PCSK4: variants seen among roughly 807,000 people sequenced by gnomAD.
PCSK4 encodes proprotein convertase subtilisin/kexin type 4.
Under a neutral mutation model 80.3 loss-of-function variants are expected in PCSK4, and 64 were observed. The observed-to-expected ratio is 0.80, with a 90% CI of 0.65 to 0.98. PCSK4 has a LOEUF of 0.98. PCSK4 is among the 50% of genes least tolerant of loss of function. PCSK4 has a pLI of 0.00. For synonymous variants in PCSK4, 561 were observed against 487.6 expected (o/e 1.15, Z -1.98); for missense variants, 1,213 against 1,093.6 (o/e 1.11, Z -1.54).
chr19:1,488,386 G>T (rs952111456), intron 2 of PCSK4, 106 bp from the exon 3 acceptor site: 6 of 828,534 alleles, frequency 7.2e-6, no homozygotes, highest in South Asian at 3.1e-5. Flanking sequence ...TGTTTGTGGG[G>T]GTTGCTCTCC....
exon 13 of PCSK4, chr19:1,483,011 G>A: frequency 1.5e-6 from 2 of 1,376,170 alleles, no homozygotes; most frequent in South Asian, 1.2e-5. Flanking sequence ...CAGTGCTGAC[G>A]TCCAAGGGTC....
chr19:1,482,389 C>A (rs370108776), exon 14 of PCSK4: 1 of 1,566,384 alleles, frequency 6.4e-7, no homozygotes, highest in Non-Finnish European at 8.6e-7. Flanking sequence ...TGCACACACG[C>A]GCTGCTGGTC....
Position 1,482,225 on chromosome 19 carries a change from C to G in PCSK4, c.1820-18G>C, listed in dbSNP as rs1018829662. ...GTCACACGCTGCTCGGGGACACGCA[C>G]GCAAAGGCCCGTCAGCTTGCCACCC... On this transcript the variant is annotated intron_variant, in intron 14 of 14. Coordinates refer to ENST00000300954, the Ensembl canonical transcript of PCSK4. 7 of 1,524,186 alleles carry G rather than the reference C, an allele frequency of 4.6e-6. No homozygotes were observed. Among genetic ancestry groups the G allele is most frequent in the Non-Finnish European group, 6.1e-6 (7 of 1,140,602 alleles). The allele number at this position is 1,524,186 out of a possible 1,614,324, so 94.4% of individuals were successfully genotyped here.
rs538151188 is a variant in PCSK4, at chr19:1,490,085, C to T, written c.189+73G>A. 87 of 1,573,090 alleles carry T rather than the reference C, an allele frequency of 5.5e-5. No homozygotes were observed. In the African/African-American group the frequency reaches 9.7e-4, roughly 18 times the overall value. On this transcript the variant is annotated intron_variant, in intron 1 of 14. Transcript: ENST00000300954. ...ATTTAGAAGACCTTGTGGGCTCCCT[C>T]CCCCTTGTCGGGGTCTAGGGTTGTT...
At position 1,490,099 on chromosome 19, in the gene PCSK4, T is replaced by C; in HGVS notation, c.189+59A>G. 3 of 1,597,048 alleles carry C rather than the reference T, an allele frequency of 1.9e-6. No individual in the cohort carries two copies. In the South Asian group the frequency reaches 3.4e-5, roughly 18 times the overall value. On this transcript the variant is annotated intron_variant, in intron 1 of 14. Transcript: ENST00000300954. ...GTGGGCTCCCTCCCCCTTGTCGGGG[T>C]CTAGGGTTGTTCAGTCCCCTCCAAG...
chr19:1,490,033 A>C (rs2084859664), intron 1 of PCSK4, 125 bp downstream of exon 1: 1 of 1,520,842 alleles, frequency 6.6e-7, no homozygotes. Flanking sequence ...AGCTTGGCTG[A>C]GGCAGGGGTG....
chr19:1,482,981 G>C (rs1479542638), exon 13 of PCSK4: 1 of 1,370,418 alleles, frequency 7.3e-7, no homozygotes, highest in South Asian at 1.1e-5. Flanking sequence ...TGGACATGAA[G>C]ACCCAGTTGT....
rs748589431 is a variant in PCSK4, at chr19:1,482,366, C to G, written c.1806G>C (p.Glu602Asp). ...GCCGGCACTCACCCTGGCACAGCCCCTCTGTGTCCCGCTGCACACACGCGC... is the reference window on the plus strand; with the variant it reads ...GCCGGCACTCACCCTGGCACAGCCCGTCTGTGTCCCGCTGCACACACGCGC... Residue 602 changes from glutamate to aspartate, a missense_variant, in exon 14 of 15, where the codon GAG (glutamate) becomes GAC (aspartate). Coordinates refer to ENST00000300954, the Ensembl canonical transcript of PCSK4. The G allele has an allele frequency of 2.6e-6, 4 of 1,542,264 alleles. No individual in the cohort carries two copies. The East Asian group carries it at 7.5e-5, about 29-fold the overall frequency.
At chr19:1,483,190 G>A (rs1246555053) in intron 12 of PCSK4, 94 bp downstream of exon 12, 1 of 1,334,986 alleles carries the variant, frequency 7.5e-7, no homozygotes, top group African/African-American at 1.5e-5. Flanking sequence ...TGACTCCTAT[G>A]GGCCTGGCCC....
At position 1,487,080 on chromosome 19, in the gene PCSK4, G is replaced by T; in HGVS notation, c.856-15C>A. On this transcript the variant is annotated splice_polypyrimidine_tract_variant and intron_variant, in intron 7 of 14. Coordinates refer to ENST00000300954, the Ensembl canonical transcript of PCSK4. Reference sequence around the variant, plus strand: ...CCGCCGCGGCCCTGGGAAACCAGGAGGGGCGGGGAGGGGGCGTCGGCCTGG... The same window carrying T: ...CCGCCGCGGCCCTGGGAAACCAGGATGGGCGGGGAGGGGGCGTCGGCCTGG... The T allele has an allele frequency of 2.5e-6, 4 of 1,602,972 alleles. No homozygotes were observed. The highest frequency in any genetic ancestry group is 3.4e-6 in the Non-Finnish European group (4 of 1,178,544).
intron 11 of PCSK4, 74 bp downstream of exon 11, chr19:1,483,576 T>C (rs2084429143): frequency 7.0e-7 from 1 of 1,426,280 alleles, no homozygotes; most frequent in Non-Finnish European, 9.5e-7. Context: ...GTTTTACAGA[T>C]GGGTAAACTG....
Position 1,487,329 on chromosome 19 carries a change from G to T in PCSK4, c.683-16C>A. 6.4e-7 allele frequency: 1 copy of T among 1,569,418 alleles called. No individual in the cohort carries two copies. The highest frequency in any genetic ancestry group is 2.3e-5 in the East Asian group (1 of 44,148). On this transcript the variant is annotated splice_polypyrimidine_tract_variant and intron_variant, in intron 6 of 14. Coordinates refer to ENST00000300954, the Ensembl canonical transcript of PCSK4. ...ATCCGTACGCCTGCAGAGCCAGGGC[G>T]GGAGGGCCGCTGCCACCGGCCCTGC...
At chr19:1,484,493 A>G (rs1223642726) in intron 8 of PCSK4, among the ~76,000 whole-genome samples, 2 of 141,974 alleles carry the variant, frequency 1.4e-5, no homozygotes, top group African/African-American at 2.6e-5. Context: ...ACTCTGGATT[A>G]AAAAAAAAAA....
chr19:1,482,910 T>C (rs148145442), exon 13 of PCSK4: 4 of 1,612,828 alleles, frequency 2.5e-6, no homozygotes, highest in East Asian at 2.2e-5. Flanking sequence ...GTTGAAATAG[T>C]AGCCCTTGTT....
chr19:1,488,023 C>A, exon 4 of PCSK4: 1 of 1,613,500 alleles, frequency 6.2e-7, no homozygotes, highest in Non-Finnish European at 8.5e-7. Context: ...ACAGAGACCA[C>A]GATGCCCTGG....
exon 8 of PCSK4, chr19:1,486,888 T>G: frequency 1.9e-6 from 3 of 1,600,038 alleles, no homozygotes; most frequent in Non-Finnish European, 2.5e-6. Flanking sequence ...CTGCTGTAGG[T>G]GGTGGTGAGG....
chr19:1,484,204 C>G, intron 8 of PCSK4, 77 bp from the exon 9 acceptor site: 6 of 851,990 alleles, frequency 7.0e-6, no homozygotes, highest in South Asian at 4.4e-5. Flanking sequence ...GTACCAAGGA[C>G]TGGGCGGGCG....
intron 12 of PCSK4, 90 bp from the exon 13 acceptor site, chr19:1,483,110 G>C: frequency 7.6e-7 from 1 of 1,315,530 alleles, no homozygotes. Context: ...GACCGCACGC[G>C]CTGGTGGCCG....
chr19:1,487,276 G>A (rs767882439), exon 7 of PCSK4: 29 of 1,600,430 alleles, frequency 1.8e-5, no homozygotes, highest in Middle Eastern at 3.4e-4. Flanking sequence ...ACTGGGCCTC[G>A]ATGACATCGG....
Sources: allele counts gnomAD v4.1 joint callset (sites outside exome capture counted in the v4.1 genomes callset), GRCh38; gene constraint gnomAD v4.1.1; transcripts MANE v1.5; gene names NCBI Gene and HGNC (gene_info 2026-07-23, HGNC 2026-07-21).